Variants in TTLL4 observed in about 807,000 individuals in gnomAD.
TTLL4 encodes tubulin tyrosine ligase like 4.
In TTLL4, 85 loss-of-function variants were observed where a neutral mutation model predicts 122.7. That is an observed-to-expected ratio of 0.69 (90% confidence interval 0.58 to 0.83). TTLL4 has a LOEUF of 0.83. Ranked by LOEUF, TTLL4 falls within the 40% of genes least tolerant of loss-of-function variation. The pLI, the probability that TTLL4 is intolerant of heterozygous loss-of-function variation, is 0.00. For missense variants in TTLL4, 1,363 were observed against 1,488.6 expected (o/e 0.92, Z 1.39); for synonymous variants, 553 against 563.0 (o/e 0.98, Z 0.25).
chr2:218,748,213 C>G lies in TTLL4; in HGVS notation c.2487C>G (p.Cys829Trp). Residue 829 changes from cysteine (C) to tryptophan (W), a missense_variant, in exon 12 of 20, where the codon TGC becomes TGG. Cys to Trp is a radical substitution (Grantham distance 215). Around this residue, in one of 3 missense-constraint regions of TTLL4, gnomAD observed 596 missense variants for 655.8 expected, o/e 0.91. Coordinates refer to ENST00000392102, the MANE Select transcript of TTLL4 (RefSeq NM_014640.5). ...EYQANADEMA[C>W]QGHKWALKAL... ...AGGCCAATGCAGATGAAATGGCTTG[C>G]CAGGGCCACAAATGGTACTGAGGGC... 3.1e-6 allele frequency: 5 copies of G among 1,614,036 alleles called. No homozygotes were observed. Among genetic ancestry groups the G allele is most frequent in the Non-Finnish European group, 4.2e-6 (5 of 1,179,968 alleles).
At chr2:218,714,848 G>A (rs933993) in intron 1 of TTLL4, among the ~76,000 whole-genome samples, 148,092 of 152,142 alleles carry the variant, frequency 0.97, 72,056 homozygotes, top group Middle Eastern at 1. Flanking sequence ...GACTCAAACA[G>A]TCCTCCCGCC....
At chr2:218,720,238 G>A (rs1941991749) in intron 1 of TTLL4, among the ~76,000 whole-genome samples, 1 of 152,108 alleles carries the variant, frequency 6.6e-6, no homozygotes, top group Non-Finnish European at 1.5e-5. Context: ...GATAATAGTT[G>A]ACATTGTGAG....
rs1041552025 is a variant in TTLL4 at position 218,728,401 on chromosome 2, C to G, written c.-99+1054C>G. ...AGAAGCATGCAACCTAGATCCCTTA[C>G]ATGGGCAGTTCATAATAGGGTGAGC... On this transcript the variant is annotated intron_variant, in intron 2 of 19. Coordinates refer to ENST00000392102, the MANE Select transcript of TTLL4 (RefSeq NM_014640.5). Among the ~76,000 whole-genome samples the G allele has an allele frequency of 1.2e-4, 18 of 152,312 alleles. 1 individual carries two copies. Among genetic ancestry groups the G allele is most frequent in the African/African-American group, 4.3e-4 (18 of 41,566 alleles).
At chr2:218,746,313 G>A in intron 8 of TTLL4, 82 bp downstream of exon 8, 1 of 1,471,110 alleles carries the variant, frequency 6.8e-7, no homozygotes, top group Admixed American at 1.7e-5. Context: ...AGGGGGTAGG[G>A]GGCGGGAAGA....
intron 5 of TTLL4, among the ~76,000 whole-genome samples, chr2:218,743,194 C>T (rs1345944678): frequency 1.3e-5 from 2 of 151,962 alleles, no homozygotes; most frequent in South Asian, 4.1e-4. Flanking sequence ...GGAATTCCTC[C>T]TCCTCCTACC....
Position 218,738,222 on chromosome 2 carries a change from C to A in TTLL4, c.546C>A (p.Tyr182Ter). Reference protein sequence around the residue: ...QPMASSSTEPYLCLAAAGENP... With the variant: ...QPMASSSTEP ...TGGCCTCCTCATCCACAGAACCATA[C>A]CTCTGCTTGGCAGCGGCTGGGGAAA... The change falls in exon 3 of 20, where the codon TAC becomes TAA. Residue 182 changes from tyrosine (Y) to a stop codon, truncating the protein, a stop_gained. Transcript: ENST00000392102. LOFTEE classifies it high-confidence loss of function. 1 of 1,614,158 alleles carries A rather than the reference C, an allele frequency of 6.2e-7. No homozygotes were observed. Among genetic ancestry groups the A allele is most frequent in the Non-Finnish European group, 8.5e-7 (1 of 1,180,022 alleles).
At chr2:218,725,712 C>T (rs1275701499) in intron 1 of TTLL4, among the ~76,000 whole-genome samples, 6 of 151,972 alleles carry the variant, frequency 3.9e-5, no homozygotes, top group Non-Finnish European at 5.9e-5. Flanking sequence ...CATGCCACCA[C>T]ACCTGGCTAA....
At chr2:218,740,766 C>G (rs1466004697) in intron 5 of TTLL4, among the ~76,000 whole-genome samples, 182 bp downstream of exon 5, 1 of 152,168 alleles carries the variant, frequency 6.6e-6, no homozygotes, top group Non-Finnish European at 1.5e-5. Context: ...CACATCTCAT[C>G]TGTGGGGCTT....
chr2:218,718,809 C>CA (rs1243857726), intron 1 of TTLL4, among the ~76,000 whole-genome samples: 2 of 152,104 alleles, frequency 1.3e-5, no homozygotes, highest in Non-Finnish European at 2.9e-5. Context: ...ATGAAGATGA[C>CA]AAAGTAGGAT....
intron 2 of TTLL4, among the ~76,000 whole-genome samples, chr2:218,736,077 C>T (rs1037434672): frequency 1.0e-4 from 15 of 149,806 alleles, no homozygotes; most frequent in African/African-American, 3.2e-4. Flanking sequence ...CATGCTCAAG[C>T]GTTTTTCATA....
chr2:218,728,231 A>G (rs1353392732), intron 2 of TTLL4, among the ~76,000 whole-genome samples: 1 of 152,226 alleles, frequency 6.6e-6, no homozygotes, highest in Non-Finnish European at 1.5e-5. Context: ...TTCTGTAAAT[A>G]CATTGTAATA....
Position 218,747,087 on chromosome 2 carries a change from A to G in TTLL4, c.2059A>G (p.Lys687Glu), listed in dbSNP as rs892295971. The change falls in exon 9 of 20, where the codon AAG (lysine) becomes GAG (glutamate). Residue 687 changes from lysine (K) to glutamate (E), a missense_variant. By Grantham distance (56) the Lys-to-Glu change is moderately conservative (BLOSUM62 1). Transcript: ENST00000392102. The surrounding 1 kb of genome is among the most constrained non-coding windows in gnomAD (Gnocchi z 4.7). ...GTCACGTATGCAGAGCCGCTTTGGC[A>G]AGAAGGAGTTCAGTTTCTTCCCCCA... ...NLSRMQSRFG[K>E]KEFSFFPQSF... 83 of 1,614,092 alleles carry G rather than the reference A, an allele frequency of 5.1e-5. No homozygotes were observed. Among genetic ancestry groups the G allele is most frequent in the Non-Finnish European group, 6.7e-5 (79 of 1,180,044 alleles).
intron 12 of TTLL4, 182 bp from the exon 13 acceptor site, chr2:218,748,654 C>CAAA (rs570493846): frequency 4.1e-3 from 944 of 228,692 alleles, no homozygotes; most frequent in South Asian, 7.1e-3. Flanking sequence ...AACTCCATCT[C>CAAA]AAAAAAAAAA....
intron 1 of TTLL4, among the ~76,000 whole-genome samples, chr2:218,720,220 CTT>C (rs2106394948): frequency 6.6e-6 from 1 of 152,172 alleles, no homozygotes; most frequent in Admixed American, 6.6e-5. Context: ...CAAAATGACT[CTT>C]CTGCAGATAA....
intron 2 of TTLL4, among the ~76,000 whole-genome samples, chr2:218,729,840 C>T (rs1187902727): frequency 2.6e-5 from 4 of 151,272 alleles, no homozygotes; most frequent in Non-Finnish European, 5.9e-5. Flanking sequence ...ATTGCAGCTT[C>T]GACCTCCCAG....
intron 1 of TTLL4, among the ~76,000 whole-genome samples, chr2:218,717,332 A>G (rs2106388862): frequency 6.6e-6 from 1 of 152,244 alleles, no homozygotes; most frequent in South Asian, 2.1e-4. Context: ...GGGTCCCCTC[A>G]GGGTCTGTGG....
Position 218,750,110 on chromosome 2 carries a change from T to C in TTLL4, c.2837T>C (p.Ile946Thr), listed in dbSNP as rs1942975924. Reference protein sequence around the residue: ...GFVLPNAEDIISSPSSCSSST... With the variant: ...GFVLPNAEDITSSPSSCSSST... The stretch of plus-strand genomic sequence containing the variant: ...GTCCTGCCCAATGCAGAGGATATCA[T>C]TTCCAGCCCCAGCAGCTGCAGCAGC... Residue 946 changes from isoleucine (I) to threonine (T), a missense_variant, in exon 15 of 20, where the codon ATT becomes ACT. Ile to Thr is a moderately conservative substitution (Grantham distance 89, BLOSUM62 -1). Coordinates refer to ENST00000392102, the MANE Select transcript of TTLL4 (RefSeq NM_014640.5). 6.2e-7 allele frequency: 1 copy of C among 1,614,030 alleles called. No homozygotes were observed. The highest frequency in any genetic ancestry group is 1.1e-5 in the South Asian group (1 of 91,080).
intron 1 of TTLL4, among the ~76,000 whole-genome samples, chr2:218,719,202 A>G (rs1941960679): frequency 6.6e-6 from 1 of 152,102 alleles, no homozygotes; most frequent in Non-Finnish European, 1.5e-5. Context: ...GCCAAACTGG[A>G]CCAGGGTTCT....
rs778640127 is a variant in TTLL4, at chr2:218,745,190, C to T, written c.1743C>T (p.Pro581=). 2.5e-6 allele frequency: 4 copies of T among 1,613,964 alleles called. No individual in the cohort carries two copies. The African/African-American group carries it at 5.3e-5, about 22-fold the overall frequency. Reference sequence around the variant, plus strand: ...CAGCCCTCATCTACAGTCTCTTTCCCAACGTTCCCCCTACCATCTATTTTG... The same window carrying T: ...CAGCCCTCATCTACAGTCTCTTTCCTAACGTTCCCCCTACCATCTATTTTG... ...VRPALIYSLF[P]NVPPTIYFGT... is the part of the protein sequence containing the mutation. Residue 581 remains proline (P), a synonymous_variant, in exon 6 of 20, where the codon CCC becomes CCT. Transcript: ENST00000392102.
Sources: gnomAD v4.1 joint callset for allele counts (sites outside exome capture counted in the v4.1 genomes callset) on GRCh38, gnomAD v4.1.1 for gene constraint, gnomAD v4.1.1 regional missense constraint, Gnocchi (gnomAD v3.1) non-coding constraint, MANE v1.5 for transcripts, NCBI Gene and HGNC (gene_info 2026-07-23, HGNC 2026-07-21) for gene names.